Variants in RBFOX3 observed in about 807,000 individuals in gnomAD.
RBFOX3 encodes RNA binding protein fox-1 homolog 3.
A neutral mutation model predicts 48.7 loss-of-function variants in RBFOX3; 17 were observed. The observed-to-expected ratio is 0.35, with a 90% CI of 0.24 to 0.52. The LOEUF (loss-of-function observed/expected upper bound fraction) is 0.52. RBFOX3 is among the 20% of genes least tolerant of loss of function. The pLI, the probability that RBFOX3 is intolerant of heterozygous loss-of-function variation, is 0.94. For synonymous variants in RBFOX3, 212 were observed against 209.5 expected (o/e 1.01, Z -0.10); for missense variants, 382 against 497.5 (o/e 0.77, Z 2.21).
upstream of RBFOX3, among the ~76,000 whole-genome samples, chr17:79,612,159 C>A (rs2093974252): frequency 6.6e-6 from 1 of 152,180 alleles, no homozygotes; most frequent in East Asian, 1.9e-4. Flanking sequence ...AGGCAGGAGG[C>A]TGAGTAATCA....
chr17:79,270,092 C>A (rs953764619), intron 3 of RBFOX3, among the ~76,000 whole-genome samples: 3 of 152,156 alleles, frequency 2.0e-5, no homozygotes, highest in East Asian at 1.9e-4. Flanking sequence ...GGTCTTCCGC[C>A]TCTGTGGCCA....
At chr17:79,584,420 CA>C (rs1367028418) in intron 1 of RBFOX3, among the ~76,000 whole-genome samples, 121 of 152,142 alleles carry the variant, frequency 8.0e-4, no homozygotes, top group African/African-American at 2.8e-3. Flanking sequence ...AGTCATGATA[CA>C]AAAAAAGATA....
chr17:79,442,779 G>A (rs1473228070), intron 2 of RBFOX3, among the ~76,000 whole-genome samples: 1 of 152,104 alleles, frequency 6.6e-6, no homozygotes, highest in Non-Finnish European at 1.5e-5. Context: ...GGGTGAGGAG[G>A]GGAGAGAGGG....
intron 2 of RBFOX3, among the ~76,000 whole-genome samples, chr17:79,384,664 G>A (rs992480347): frequency 6.6e-6 from 1 of 152,206 alleles, no homozygotes; most frequent in African/African-American, 2.4e-5. Context: ...TTGATGCCTC[G>A]GGAAGTCCAC....
At chr17:79,332,284 T>C (rs1268157874) in intron 2 of RBFOX3, among the ~76,000 whole-genome samples, 1 of 152,062 alleles carries the variant, frequency 6.6e-6, no homozygotes, top group Non-Finnish European at 1.5e-5. Context: ...AGGGACCATT[T>C]GTAGCTCTTT....
rs2086337220 is a variant in RBFOX3 at position 79,361,463 on chromosome 17, C to A, written c.-174-53639G>T. Among the ~76,000 whole-genome samples, 1 of 152,156 alleles carries A rather than the reference C, an allele frequency of 6.6e-6. No individual in the cohort carries two copies. The highest frequency in any genetic ancestry group is 2.4e-5 in the African/African-American group (1 of 41,432). ...GGTGGCCCTTGGTTACTGGAGTCAC[C>A]AGGACCTGCAGCACCTTGCCAACAC... On this transcript the variant is annotated intron_variant, in intron 2 of 14. Transcript: ENST00000693108. This position sits in a 1 kb window ranked among gnomAD's most constrained non-coding sequence, Gnocchi z 4.5.
At chr17:79,298,509 C>G (rs990940414) in intron 3 of RBFOX3, 1 of 152,232 alleles carries the variant, frequency 6.6e-6, no homozygotes, top group African/African-American at 2.4e-5. Flanking sequence ...CAGCGGTCAA[C>G]AAGCCAACGC....
intron 4 of RBFOX3, among the ~76,000 whole-genome samples, chr17:79,156,629 T>G (rs1193240858): frequency 6.6e-6 from 1 of 152,184 alleles, no homozygotes; most frequent in Non-Finnish European, 1.5e-5. Context: ...TAAAGTTTTA[T>G]TGGAACCTGG....
At position 79,288,501 on chromosome 17, in the gene RBFOX3, C is replaced by T. The variant is rs2072513683; in HGVS notation, c.-74+19223G>A. 2.6e-5 allele frequency among the ~76,000 whole-genome samples: 4 copies of T among 152,124 alleles called. No individual in the cohort carries two copies. In the South Asian group the frequency reaches 8.3e-4, roughly 32 times the overall value. On this transcript the variant is annotated intron_variant, in intron 3 of 14. Coordinates refer to ENST00000693108, the MANE Select transcript of RBFOX3 (RefSeq NM_001350451.2). ...AGCCCCCCCCAGCCCGGCTTCCAGC[C>T]CCTCCATCCTGGTCAGTCTGTGGGC...
At chr17:79,162,166 C>T (rs1167023791) in intron 4 of RBFOX3, among the ~76,000 whole-genome samples, 1 of 152,228 alleles carries the variant, frequency 6.6e-6, no homozygotes, top group Non-Finnish European at 1.5e-5. Flanking sequence ...CTTTACCTTG[C>T]AGAGCCAGAC....
chr17:79,233,399 G>A (rs778702541), intron 4 of RBFOX3, among the ~76,000 whole-genome samples: 1 of 152,212 alleles, frequency 6.6e-6, no homozygotes, highest in Non-Finnish European at 1.5e-5. Context: ...CAATGTAATG[G>A]TTGGGGGTGA....
chr17:79,147,825 C>G (rs1242970146), intron 4 of RBFOX3, among the ~76,000 whole-genome samples: 1 of 152,238 alleles, frequency 6.6e-6, no homozygotes, highest in African/African-American at 2.4e-5. Context: ...CTTTGCCAAG[C>G]GCCTTCGATC....
In RBFOX3 at chr17:79,220,708, G is replaced by A. The variant is rs2059624272; in HGVS notation, c.-34+15058C>T. Among the ~76,000 whole-genome samples the A allele has an allele frequency of 1.3e-5, 2 of 152,074 alleles. No individual in the cohort carries two copies. Among genetic ancestry groups the A allele is most frequent in the South Asian group, 4.1e-4 (2 of 4,822 alleles). On this transcript the variant is annotated intron_variant, in intron 4 of 14. Coordinates refer to ENST00000693108, the MANE Select transcript of RBFOX3 (RefSeq NM_001350451.2). This position sits in a 1 kb window ranked among gnomAD's most constrained non-coding sequence, Gnocchi z 5.9. ...TGAAGGTTAGAACAATTCTCATAAG[G>A]TCCCTCTTGGCTTCAGAGGGTGGGA...
chr17:79,530,473 G>A (rs2087564913), intron 1 of RBFOX3, among the ~76,000 whole-genome samples: 2 of 152,144 alleles, frequency 1.3e-5, no homozygotes, highest in African/African-American at 4.8e-5. Flanking sequence ...CCTGGGCTCA[G>A]CGACAGCTCA....
At position 79,479,222 on chromosome 17, in the gene RBFOX3, A is replaced by C. The variant is rs1167006328; in HGVS notation, c.-175+3232T>G. Reference sequence around the variant, plus strand: ...CCACATGCCAGAGCTCTGGTAGCCCAAGGGGTGGTTTTGGCGGCCCCTTCT... The same window carrying C: ...CCACATGCCAGAGCTCTGGTAGCCCCAGGGGTGGTTTTGGCGGCCCCTTCT... On this transcript the variant is annotated intron_variant, in intron 2 of 14. Coordinates refer to ENST00000693108, the MANE Select transcript of RBFOX3 (RefSeq NM_001350451.2). This position sits in a 1 kb window ranked among gnomAD's most constrained non-coding sequence, Gnocchi z 5.1. Among the ~76,000 whole-genome samples the C allele has an allele frequency of 1.3e-5, 2 of 152,200 alleles. No individual in the cohort carries two copies. Among genetic ancestry groups the C allele is most frequent in the African/African-American group, 4.8e-5 (2 of 41,462 alleles).
chr17:79,324,547 G>A (rs372061488), intron 2 of RBFOX3, among the ~76,000 whole-genome samples: 1 of 152,186 alleles, frequency 6.6e-6, no homozygotes, highest in East Asian at 1.9e-4. Flanking sequence ...AGCCCCTCTG[G>A]TGGGCAGACA....
At chr17:79,504,892 G>T (rs937360290) in intron 1 of RBFOX3, among the ~76,000 whole-genome samples, 3 of 152,194 alleles carry the variant, frequency 2.0e-5, no homozygotes, top group Admixed American at 6.5e-5. Context: ...GGACGTGCGT[G>T]AGGGATGAGA....
the RBFOX3 span, among the ~76,000 whole-genome samples, chr17:79,621,325 G>A: frequency 6.6e-6 from 1 of 152,088 alleles, no homozygotes; most frequent in Non-Finnish European, 1.5e-5. Context: ...TTATCCCAAA[G>A]TTGAAACCCA....
At chr17:79,142,396 T>C (rs916564706) in intron 4 of RBFOX3, among the ~76,000 whole-genome samples, 1 of 152,178 alleles carries the variant, frequency 6.6e-6, no homozygotes, top group Non-Finnish European at 1.5e-5. Flanking sequence ...TTTAATTGAA[T>C]GTATTCTTCA....
Sources: gnomAD v4.1 joint callset for allele counts (sites outside exome capture counted in the v4.1 genomes callset) on GRCh38, gnomAD v4.1.1 for gene constraint, Gnocchi (gnomAD v3.1) non-coding constraint, MANE v1.5 for transcripts, NCBI Gene and HGNC (gene_info 2026-07-23, HGNC 2026-07-21) for gene names.